SPATA7: variants seen among roughly 807,000 people sequenced by gnomAD.
SPATA7 encodes the protein spermatogenesis-associated protein 7.
Under a neutral mutation model 51.8 loss-of-function variants are expected in SPATA7, and 43 were observed. That is an observed-to-expected ratio of 0.83 (90% CI 0.65 to 1.07). SPATA7 has a LOEUF of 1.07. SPATA7 is among the 50% of genes least tolerant of loss of function. The pLI is 0.00. For synonymous variants in SPATA7, 230 were observed against 252.8 expected (o/e 0.91, Z 0.86); for missense variants, 683 against 701.3 (o/e 0.97, Z 0.30).
chr14:88,401,879 T>C (rs2076070876), intron 4 of SPATA7, among the ~76,000 whole-genome samples: 1 of 150,930 alleles, frequency 6.6e-6, no homozygotes, highest in African/African-American at 2.4e-5. Context: ...TTACTTCTGT[T>C]TGTGATGACA....
rs147756703 is a variant in SPATA7, at chr14:88,418,769, C to T, written c.372+1925C>T. Among the ~76,000 whole-genome samples the T allele has an allele frequency of 3.3e-3, 503 of 152,250 alleles. 4 individuals carry two copies. The highest frequency in any genetic ancestry group is 0.011 in the African/African-American group (477 of 41,558). ...GATTACAGGCGTGAGCCACCATGCC[C>T]GGCCTACAATTTTCATTATGATTTT... On this transcript the variant is annotated intron_variant, in intron 5 of 11. Coordinates refer to ENST00000393545, the MANE Select transcript of SPATA7 (RefSeq NM_018418.5).
At chr14:88,468,823 A>G in intron 4 of SPATA7, 1 of 1,508,052 alleles carries the variant, frequency 6.6e-7, no homozygotes, top group Non-Finnish European at 9.2e-7. Flanking sequence ...GTCCAAGGAA[A>G]TGTGCGCAAA....
chr14:88,439,629 G>GT, downstream of SPATA7, among the ~76,000 whole-genome samples: 1 of 152,166 alleles, frequency 6.6e-6, no homozygotes, highest in Admixed American at 6.5e-5. Flanking sequence ...TTTAACTCGG[G>GT]TTTTTATCAT....
At chr14:88,393,893 A>G (rs1223866555) in intron 3 of SPATA7, among the ~76,000 whole-genome samples, 1 of 152,134 alleles carries the variant, frequency 6.6e-6, no homozygotes, top group Non-Finnish European at 1.5e-5. Flanking sequence ...CATTGATTAT[A>G]ATGTGTACAG....
At chr14:88,428,290 G>A (rs572138551) in intron 7 of SPATA7, 16 of 152,146 alleles carry the variant, frequency 1.1e-4, no homozygotes, top group African/African-American at 3.8e-4. Context: ...TCTTGCACTT[G>A]TGTCCTGACT....
intron 4 of SPATA7, among the ~76,000 whole-genome samples, chr14:88,396,643 A>G (rs548328369): frequency 6.6e-6 from 1 of 152,304 alleles, no homozygotes; most frequent in South Asian, 2.1e-4. Flanking sequence ...CATTCTGTGT[A>G]TATACCACAT....
At chr14:88,449,451 T>C (rs2077235919) in intron 3 of SPATA7, among the ~76,000 whole-genome samples, 1 of 152,198 alleles carries the variant, frequency 6.6e-6, no homozygotes, top group Non-Finnish European at 1.5e-5. Context: ...CTTGATAAGA[T>C]TTTTATTTTT....
chr14:88,468,287 T>C (rs202074352), intron 4 of SPATA7: 10 of 1,577,190 alleles, frequency 6.3e-6, no homozygotes, highest in Non-Finnish European at 8.6e-6. Flanking sequence ...GAAACGGTAA[T>C]GAAGATAATG....
downstream of SPATA7, among the ~76,000 whole-genome samples, chr14:88,460,192 G>A (rs1239821705): frequency 3.9e-5 from 6 of 152,074 alleles, no homozygotes; most frequent in Non-Finnish European, 7.3e-5. Context: ...GTGTCTTGGA[G>A]TTGCTCTTCT....
chr14:88,434,650 C>T (rs548000014), intron 10 of SPATA7, among the ~76,000 whole-genome samples: 1 of 146,558 alleles, frequency 6.8e-6, no homozygotes, highest in South Asian at 2.1e-4. Flanking sequence ...CGCGCCACCG[C>T]ACTCCATCTT....
exon 4 of SPATA7, chr14:88,455,144 T>TA (rs2140053995): frequency 2.2e-6 from 1 of 454,078 alleles, no homozygotes; most frequent in East Asian, 7.0e-5. Context: ...TATGTTCTAC[T>TA]ATAGAGGTGG....
At chr14:88,464,842 T>G (rs1380361762) in intron 4 of SPATA7, among the ~76,000 whole-genome samples, 3 of 152,224 alleles carry the variant, frequency 2.0e-5, no homozygotes, top group Non-Finnish European at 1.5e-5. Flanking sequence ...CAGTTTATAT[T>G]ACTGTACATA....
intron 3 of SPATA7, among the ~76,000 whole-genome samples, chr14:88,448,457 G>T (rs556258731): frequency 1.1e-3 from 168 of 152,274 alleles, no homozygotes; most frequent in African/African-American, 3.9e-3. Flanking sequence ...GGAGTAATTT[G>T]ATCGTCTGAA....
intron 4 of SPATA7, among the ~76,000 whole-genome samples, chr14:88,409,034 A>T (rs527935412): frequency 3.3e-5 from 5 of 152,270 alleles, no homozygotes; most frequent in African/African-American, 9.6e-5. Context: ...GGATTTTCAC[A>T]TCAATGTTAG....
intron 3 of SPATA7, among the ~76,000 whole-genome samples, chr14:88,449,897 T>G (rs1355021183): frequency 6.6e-6 from 1 of 152,146 alleles, no homozygotes; most frequent in Non-Finnish European, 1.5e-5. Flanking sequence ...TAGCTACTCC[T>G]GCTTGCTTTT....
Position 88,429,597 on chromosome 14 carries a change from C to A in SPATA7, c.1028+134C>A. On this transcript the variant is annotated intron_variant, in intron 8 of 11. Coordinates refer to ENST00000393545, the MANE Select transcript of SPATA7 (RefSeq NM_018418.5). ...ATTTTGGTGTTATGTAATTCAATAA[C>A]AGTTTTAGTTTTACCAAGGAAATTT... 5.8e-6 allele frequency: 3 copies of A among 516,378 alleles called. No homozygotes were observed. The Admixed American group carries it at 1.1e-4, about 18-fold the overall frequency. The allele number at this position is 516,378 out of a possible 1,614,324, so 32.0% of individuals were successfully genotyped here. A position where few individuals can be genotyped will look rare whatever the true frequency, so the allele number is the denominator to read the frequency against.
downstream of SPATA7, among the ~76,000 whole-genome samples, chr14:88,442,023 T>A (rs1395539596): frequency 6.6e-6 from 1 of 152,152 alleles, no homozygotes; most frequent in Non-Finnish European, 1.5e-5. Flanking sequence ...TTCCATAAGG[T>A]GAGAGATGAG....
intron 4 of SPATA7, among the ~76,000 whole-genome samples, chr14:88,410,084 GT>G (rs1257824938): frequency 6.6e-6 from 1 of 152,166 alleles, no homozygotes; most frequent in Non-Finnish European, 1.5e-5. Context: ...GGGATGGAGA[GT>G]TCTGTAGATG....
intron 4 of SPATA7, among the ~76,000 whole-genome samples, chr14:88,401,976 A>G (rs1025892623): frequency 6.6e-6 from 1 of 152,106 alleles, no homozygotes; most frequent in Non-Finnish European, 1.5e-5. Context: ...AAATTAATGT[A>G]CAAAAACCAG....
Sources: gnomAD v4.1 joint callset for allele counts (sites outside exome capture counted in the v4.1 genomes callset) on GRCh38, gnomAD v4.1.1 for gene constraint, MANE v1.5 for transcripts, NCBI Gene and HGNC (gene_info 2026-07-23, HGNC 2026-07-21) for gene names.